Variants in ADAMTS17 observed in about 807,000 individuals in gnomAD.
ADAMTS17 encodes ADAM metallopeptidase with thrombospondin type 1 motif 17.
In ADAMTS17, 113 loss-of-function variants were observed where a neutral mutation model predicts 141.5. That is an observed-to-expected ratio of 0.80 (90% confidence interval 0.69 to 0.93). The LOEUF is 0.93. ADAMTS17 is among the 40% of genes least tolerant of loss of function. The pLI is 0.00. For synonymous variants in ADAMTS17, 768 were observed against 630.6 expected, an observed-to-expected ratio of 1.22 and a Z score of -3.27; for missense variants, 1,659 against 1,517.9, an observed-to-expected ratio of 1.09 and a Z score of -1.54.
intron 6 of ADAMTS17, among the ~76,000 whole-genome samples, chr15:100,255,420 C>A (rs2043291682): frequency 6.6e-6 from 1 of 152,138 alleles, no homozygotes; most frequent in Non-Finnish European, 1.5e-5. Flanking sequence ...GAAGGAATAT[C>A]ATAAAGAGAT....
intron 15 of ADAMTS17, among the ~76,000 whole-genome samples, chr15:100,073,511 C>T (rs2034136368): frequency 6.6e-6 from 1 of 151,844 alleles, no homozygotes; most frequent in African/African-American, 2.4e-5. Context: ...TTGGAACCAA[C>T]CCAAATGTCC....
intron 15 of ADAMTS17, among the ~76,000 whole-genome samples, chr15:100,085,367 T>C (rs927830178): frequency 8.6e-5 from 12 of 139,230 alleles, no homozygotes; most frequent in East Asian, 7.1e-4. Context: ...CTACATCTGA[T>C]TGGTGGACCT....
chr15:100,263,620 C>T (rs2043606245), intron 4 of ADAMTS17, among the ~76,000 whole-genome samples: 1 of 152,118 alleles, frequency 6.6e-6, no homozygotes, highest in Admixed American at 6.5e-5. Flanking sequence ...CTGACGAGCC[C>T]CAGGTCATTA....
At chr15:100,066,594 T>C (rs1281993443) in intron 15 of ADAMTS17, among the ~76,000 whole-genome samples, 1 of 152,238 alleles carries the variant, frequency 6.6e-6, no homozygotes, top group Non-Finnish European at 1.5e-5. Flanking sequence ...TGACATTCTC[T>C]TGGCTTTGAG....
intron 18 of ADAMTS17, among the ~76,000 whole-genome samples, chr15:100,014,548 G>A (rs1311908487): frequency 2.0e-5 from 3 of 152,114 alleles, no homozygotes; most frequent in Non-Finnish European, 4.4e-5. Flanking sequence ...CAGAGATTTT[G>A]ACAGGTTGTG....
At chr15:100,293,426 A>C (rs2044710358) in intron 3 of ADAMTS17, among the ~76,000 whole-genome samples, 1 of 152,224 alleles carries the variant, frequency 6.6e-6, no homozygotes, top group Non-Finnish European at 1.5e-5. Context: ...GTTACATAGA[A>C]CGTGTGGATG....
At chr15:99,985,591 T>C (rs74036652) in intron 20 of ADAMTS17, among the ~76,000 whole-genome samples, 1,550 of 152,278 alleles carry the variant, frequency 0.01, 34 homozygotes, top group African/African-American at 0.036. Context: ...AACGACCACA[T>C]GAGCATCTTA....
chr15:100,089,137 C>T (rs1490862597), intron 15 of ADAMTS17, among the ~76,000 whole-genome samples: 24 of 151,622 alleles, frequency 1.6e-4, no homozygotes, highest in Admixed American at 2.0e-4. Flanking sequence ...TCAAACAAAT[C>T]TACAAGAAAA....
rs577638650 is a variant in ADAMTS17 at position 100,135,558 on chromosome 15, C to T, written c.1474-2243G>A. On this transcript the variant is annotated intron_variant, in intron 10 of 21. Transcript: ENST00000268070. ...TCAGTCTCCCAAAGTGCTGGGATTA[C>T]AGGCATGAGCCACTGCGCCTGGCCA... Among the ~76,000 whole-genome samples, 468 of 152,308 alleles carry T rather than the reference C, an allele frequency of 3.1e-3. 2 individuals carry two copies. The highest frequency in any genetic ancestry group is 0.01 in the African/African-American group (432 of 41,570).
At position 99,997,539 on chromosome 15, in the gene ADAMTS17, A is replaced by G. The variant is rs2060828527; in HGVS notation, c.2642T>C (p.Phe881Ser). 2 of 1,613,596 alleles carry G rather than the reference A, an allele frequency of 1.2e-6. No individual in the cohort carries two copies. The highest frequency in any genetic ancestry group is 1.1e-5 in the South Asian group (1 of 91,070). ...CACGCAGGTCACCTCCCGGTGCTGG[A>G]AGCCTTTCTCACAGGTCGCCGAGCA... ...SPCSATCEKG[F>S]QHREVTCVYQ... The change falls in exon 19 of 22, where the codon TTC becomes TCC. Residue 881 changes from phenylalanine (F) to serine (S), a missense_variant. Coordinates refer to ENST00000268070, the MANE Select transcript of ADAMTS17 (RefSeq NM_139057.4). This position sits in a 1 kb window ranked among gnomAD's most constrained non-coding sequence, Gnocchi z 4.7.
At chr15:99,976,362 C>T (rs543255276) in intron 20 of ADAMTS17, 140 bp from the exon 21 acceptor site, 5 of 1,075,810 alleles carry the variant, frequency 4.6e-6, no homozygotes, top group African/African-American at 1.6e-5. Flanking sequence ...GATGGCCTCA[C>T]AATGTGGCAC....
intron 18 of ADAMTS17, among the ~76,000 whole-genome samples, chr15:99,998,163 G>A (rs193064371): frequency 3.9e-5 from 6 of 152,232 alleles, no homozygotes; most frequent in East Asian, 3.9e-4. Flanking sequence ...AGCCCACACC[G>A]GTCCCAGCTT....
At chr15:100,011,425 G>C (rs957910188) in intron 18 of ADAMTS17, among the ~76,000 whole-genome samples, 38 of 139,406 alleles carry the variant, frequency 2.7e-4, no homozygotes, top group African/African-American at 9.8e-4. Flanking sequence ...AGAAGAAAGG[G>C]AGGAATGAGG....
chr15:100,066,796 C>T (rs1004549852), intron 15 of ADAMTS17, among the ~76,000 whole-genome samples: 2 of 143,928 alleles, frequency 1.4e-5, no homozygotes, highest in African/African-American at 5.1e-5. Flanking sequence ...CCGCTGTCTT[C>T]CCTTATGATA....
chr15:100,039,566 T>A (rs1300146056), intron 18 of ADAMTS17, among the ~76,000 whole-genome samples: 2 of 152,230 alleles, frequency 1.3e-5, no homozygotes, highest in Non-Finnish European at 2.9e-5. Context: ...CTTCTTTCTC[T>A]TACTGATTTC....
At chr15:100,228,651 G>A (rs568003226) in intron 7 of ADAMTS17, among the ~76,000 whole-genome samples, 208 of 152,318 alleles carry the variant, frequency 1.4e-3, no homozygotes, top group African/African-American at 4.9e-3. Flanking sequence ...AGGCAGGTGA[G>A]GGCATGAAAC....
intron 10 of ADAMTS17, among the ~76,000 whole-genome samples, chr15:100,152,387 G>A (rs1421114892): frequency 2.6e-5 from 4 of 152,046 alleles, no homozygotes; most frequent in Admixed American, 1.3e-4. Flanking sequence ...AGGTGTGTAT[G>A]TGTGTATGGC....
At chr15:100,149,816 GTTC>G (rs1364774493) in intron 10 of ADAMTS17, among the ~76,000 whole-genome samples, 1 of 152,184 alleles carries the variant, frequency 6.6e-6, no homozygotes, top group African/African-American at 2.4e-5. Context: ...TTCAGTGCTA[GTTC>G]TTCTTTTCGG....
At chr15:100,269,033 A>T (rs2043814846) in intron 4 of ADAMTS17, among the ~76,000 whole-genome samples, 1 of 152,194 alleles carries the variant, frequency 6.6e-6, no homozygotes. Context: ...GCAATAGGGA[A>T]AAGACTCCCC....
Sources: gnomAD v4.1 joint callset for allele counts (sites outside exome capture counted in the v4.1 genomes callset) on GRCh38, gnomAD v4.1.1 for gene constraint, Gnocchi (gnomAD v3.1) non-coding constraint, MANE v1.5 for transcripts, NCBI Gene and HGNC (gene_info 2026-07-23, HGNC 2026-07-21) for gene names.